Variants in ADAMTS12 observed in about 807,000 individuals in gnomAD.
ADAMTS12 encodes the protein ADAM metallopeptidase with thrombospondin type 1 motif 12.
In ADAMTS12, 118 loss-of-function variants were observed where a neutral mutation model predicts 167.8. The ratio of observed to expected loss-of-function variants is 0.70; its 90% CI spans 0.61 to 0.82. The LOEUF (loss-of-function observed/expected upper bound fraction) is 0.82, where lower values mean the gene tolerates loss of function less well. Among genes scored for constraint, ADAMTS12 ranks in the 40% least tolerant of loss-of-function variants. The pLI, the probability that ADAMTS12 is intolerant of heterozygous loss-of-function variation, is 0.00. For synonymous variants in ADAMTS12, 704 were observed against 716.9 expected (o/e 0.98, Z 0.29); for missense variants, 1,916 against 1,998.8 (o/e 0.96, Z 0.79).
At chr5:33,605,397 A>T (rs190284173) in intron 16 of ADAMTS12, among the ~76,000 whole-genome samples, 16 of 152,382 alleles carry the variant, frequency 1.0e-4, no homozygotes, top group East Asian at 1.9e-4. Flanking sequence ...AAATAAATTT[A>T]AAAAAGATAT....
rs547002193 is a variant in ADAMTS12, at chr5:33,850,388, G to T, written c.489+30731C>A. On this transcript the variant is annotated intron_variant, in intron 2 of 23. Coordinates refer to ENST00000504830, the MANE Select transcript of ADAMTS12 (RefSeq NM_030955.4). ...GTTCCCTTTCACAAGAGAGTTCTTG[G>T]TGTGGCACTATGCTAAGTGCTACAC... Among the ~76,000 whole-genome samples, 7 of 152,236 alleles carry T rather than the reference G, an allele frequency of 4.6e-5. No individual in the cohort carries two copies. In the South Asian group the frequency reaches 1.5e-3, roughly 32 times the overall value.
chr5:33,746,976 G>T (rs1223236616), intron 3 of ADAMTS12, among the ~76,000 whole-genome samples: 1 of 152,168 alleles, frequency 6.6e-6, no homozygotes, highest in East Asian at 1.9e-4. Context: ...TGCCTAGCCA[G>T]CCCCCACTAC....
At chr5:33,820,792 T>C (rs769624441) in intron 2 of ADAMTS12, among the ~76,000 whole-genome samples, 13 of 152,136 alleles carry the variant, frequency 8.5e-5, no homozygotes, top group Non-Finnish European at 1.9e-4. Context: ...TTATGCAGCA[T>C]GAAAAAGAAC....
chr5:33,858,472 CAT>C (rs987532785), intron 2 of ADAMTS12, among the ~76,000 whole-genome samples: 4 of 151,968 alleles, frequency 2.6e-5, no homozygotes, highest in African/African-American at 4.8e-5. Flanking sequence ...GCCAAGGCAA[CAT>C]AGTGAGACCC....
intron 23 of ADAMTS12, among the ~76,000 whole-genome samples, chr5:33,533,327 A>C (rs72737388): frequency 1.3e-5 from 2 of 152,176 alleles, no homozygotes; most frequent in Non-Finnish European, 2.9e-5. Flanking sequence ...TATTTAAAGT[A>C]TGGTACCATA....
At position 33,607,038 on chromosome 5, in the gene ADAMTS12, CA is replaced by C. The variant is rs1429952308; in HGVS notation, c.2527+7199del. Among the ~76,000 whole-genome samples the C allele has an allele frequency of 3.3e-5, 5 of 151,438 alleles. 1 individual carries two copies. The East Asian group carries it at 9.6e-4, about 29-fold the overall frequency. On this transcript the variant is annotated intron_variant, in intron 16 of 23. Transcript: ENST00000504830. ...AACTATATGATCATCTCAGTAGATG[CA>C]AAAAAAATTAAACAGATTCAACACT...
chr5:33,856,784 C>G (rs560316466), intron 2 of ADAMTS12, among the ~76,000 whole-genome samples: 1 of 152,142 alleles, frequency 6.6e-6, no homozygotes, highest in African/African-American at 2.4e-5. Context: ...AAAAGAAAAC[C>G]CTTGTATCCT....
At chr5:33,643,025 T>G (rs1276217628) in intron 10 of ADAMTS12, among the ~76,000 whole-genome samples, 1 of 152,196 alleles carries the variant, frequency 6.6e-6, no homozygotes, top group Admixed American at 6.5e-5. Flanking sequence ...AGCCGCTGGC[T>G]TATCCTTTTC....
intron 3 of ADAMTS12, among the ~76,000 whole-genome samples, chr5:33,696,236 A>G (rs1189722562): frequency 5.3e-5 from 8 of 151,952 alleles, no homozygotes; most frequent in Non-Finnish European, 1.0e-4. Context: ...CCTGGCTAAC[A>G]CGGTGAAACC....
chr5:33,538,323 C>G (rs1744512270), intron 22 of ADAMTS12, among the ~76,000 whole-genome samples: 2 of 152,098 alleles, frequency 1.3e-5, no homozygotes, highest in South Asian at 4.2e-4. Flanking sequence ...ATCACAAGAA[C>G]AGCATGGGGG....
chr5:33,619,404 G>GC (rs958004520), intron 14 of ADAMTS12, among the ~76,000 whole-genome samples: 4 of 151,976 alleles, frequency 2.6e-5, no homozygotes, highest in Non-Finnish European at 4.4e-5. Flanking sequence ...TAGCATTTTT[G>GC]CCCCACAATA....
At chr5:33,785,476 T>G (rs1746294412) in intron 2 of ADAMTS12, among the ~76,000 whole-genome samples, 1 of 152,154 alleles carries the variant, frequency 6.6e-6, no homozygotes, top group African/African-American at 2.4e-5. Flanking sequence ...TGTGTGTTTG[T>G]GTGTGTGCAT....
intron 9 of ADAMTS12, among the ~76,000 whole-genome samples, chr5:33,647,114 T>C (rs1353099402): frequency 6.6e-6 from 1 of 152,164 alleles, no homozygotes; most frequent in Middle Eastern, 3.2e-3. Context: ...TTAAATTCCA[T>C]ATACATATAA....
intron 3 of ADAMTS12, among the ~76,000 whole-genome samples, chr5:33,705,817 A>G (rs538837976): frequency 6.6e-6 from 1 of 151,242 alleles, no homozygotes; most frequent in African/African-American, 2.5e-5. Flanking sequence ...TCAAAAAATA[A>G]TAACAATAAT....
chr5:33,607,216 CCAATG>C (rs148668371), intron 16 of ADAMTS12, among the ~76,000 whole-genome samples: 5 of 151,514 alleles, frequency 3.3e-5, no homozygotes, highest in African/African-American at 4.8e-5. Context: ...TGTGACAGGC[CCAATG>C]CAATGCAATG....
At chr5:33,592,011 G>A (rs1357305272) in intron 17 of ADAMTS12, among the ~76,000 whole-genome samples, 9 of 151,760 alleles carry the variant, frequency 5.9e-5, no homozygotes, top group Non-Finnish European at 1.2e-4. Flanking sequence ...ACCTGAGGTC[G>A]GGAGTTCGAG....
intron 2 of ADAMTS12, among the ~76,000 whole-genome samples, chr5:33,760,026 G>A (rs765654028): frequency 3.3e-5 from 5 of 152,254 alleles, no homozygotes; most frequent in South Asian, 2.1e-4. Context: ...GGAGCCCTGC[G>A]CAGAGATTCA....
At chr5:33,679,538 A>G (rs1742034774) in intron 5 of ADAMTS12, among the ~76,000 whole-genome samples, 1 of 152,174 alleles carries the variant, frequency 6.6e-6, no homozygotes, top group Non-Finnish European at 1.5e-5. Context: ...CAAGAACAGC[A>G]TGGGGGAAAC....
At chr5:33,544,547 G>A (rs1446439917) in intron 22 of ADAMTS12, among the ~76,000 whole-genome samples, 1 of 152,036 alleles carries the variant, frequency 6.6e-6, no homozygotes, top group South Asian at 2.1e-4. Context: ...AGAGCCTGCA[G>A]TGCCAAGTCA....
Sources: allele counts gnomAD v4.1 joint callset (sites outside exome capture counted in the v4.1 genomes callset), GRCh38; gene constraint gnomAD v4.1.1; transcripts MANE v1.5; gene names NCBI Gene and HGNC (gene_info 2026-07-23, HGNC 2026-07-21).